The following GNAI2 variants were observed in gnomAD, a reference collection of about 807,000 sequenced individuals.
GNAI2 encodes G protein subunit alpha i2.
Under a neutral mutation model 36.8 loss-of-function variants are expected in GNAI2, and 4 were observed. The ratio of observed to expected loss-of-function variants is 0.11; its 90% CI spans 0.05 to 0.25. The LOEUF (loss-of-function observed/expected upper bound fraction) is 0.25. GNAI2 is among the 10% of genes least tolerant of loss of function. The pLI is 1.00. For synonymous variants in GNAI2, 194 were observed against 194.1 expected, an observed-to-expected ratio of 1.00 and a Z score of 0.01; for missense variants, 230 against 481.3, an observed-to-expected ratio of 0.48 and a Z score of 4.89.
chr3:50,245,221 C>T (rs1462160039), intron 1 of GNAI2, among the ~76,000 whole-genome samples: 2 of 152,194 alleles, frequency 1.3e-5, no homozygotes, highest in African/African-American at 2.4e-5. Context: ...TGGTCTCGAA[C>T]TCCTGACCTC....
chr3:50,251,712 G>T (rs1700561729), intron 1 of GNAI2: 1 of 1,340,494 alleles, frequency 7.5e-7, no homozygotes, highest in Non-Finnish European at 9.8e-7. Context: ...GCTCTGCCCA[G>T]GGCACCATAT....
intron 4 of GNAI2, among the ~76,000 whole-genome samples, chr3:50,254,181 A>G (rs781966757): frequency 5.9e-5 from 9 of 152,120 alleles, no homozygotes; most frequent in Non-Finnish European, 1.0e-4. Flanking sequence ...TCCCTGTGGT[A>G]TCTGTCATGT....
chr3:50,240,683 G>A (rs1442947168), intron 1 of GNAI2, among the ~76,000 whole-genome samples: 2 of 152,156 alleles, frequency 1.3e-5, no homozygotes, highest in Non-Finnish European at 2.9e-5. Context: ...TTGGGAGGTT[G>A]AGGCAGGCAG....
chr3:50,246,666 C>T (rs986711167), intron 1 of GNAI2, among the ~76,000 whole-genome samples: 2 of 152,254 alleles, frequency 1.3e-5, no homozygotes, highest in Admixed American at 6.5e-5. Flanking sequence ...TCTCTGCCCT[C>T]GGGCCTGCCA....
upstream of GNAI2, among the ~76,000 whole-genome samples, chr3:50,234,436 C>G (rs145401213): frequency 6.6e-6 from 1 of 151,762 alleles, no homozygotes; most frequent in East Asian, 1.9e-4. Flanking sequence ...ACTGCAACCT[C>G]CGCCTCCTGG....
In GNAI2 at chr3:50,256,187, C is replaced by A. The variant is rs782723326; in HGVS notation, c.465-5C>A. ...CCCACTGACCCTCCCACCCCCCATC[C>A]CCAGCTACCTGAACGACCTGGAGCG... On this transcript the variant is annotated splice_region_variant and splice_polypyrimidine_tract_variant and intron_variant, in intron 4 of 8. Coordinates refer to ENST00000313601, the MANE Select transcript of GNAI2 (RefSeq NM_002070.4). 5.7e-6 allele frequency: 9 copies of A among 1,565,276 alleles called. No individual in the cohort carries two copies. The South Asian group carries it at 7.8e-5, about 14-fold the overall frequency.
At chr3:50,232,939 G>A (rs1700095277), upstream of GNAI2, among the ~76,000 whole-genome samples, 2 of 151,910 alleles carry the variant, frequency 1.3e-5, no homozygotes, top group Non-Finnish European at 2.9e-5. Flanking sequence ...AGTGGGATGG[G>A]ATGTACCCAG....
chr3:50,233,979 T>A (rs1553700027), upstream of GNAI2, among the ~76,000 whole-genome samples: 1 of 145,278 alleles, frequency 6.9e-6, no homozygotes, highest in Non-Finnish European at 1.5e-5. Context: ...CACTGCAATC[T>A]CCAGTTCCCA....
At chr3:50,232,304 T>G (rs1553699856), upstream of GNAI2, among the ~76,000 whole-genome samples, 1 of 152,088 alleles carries the variant, frequency 6.6e-6, no homozygotes, top group African/African-American at 2.4e-5. Context: ...CGCTCCAGCT[T>G]GGGTGATAGA....
In GNAI2 at chr3:50,236,248, G is replaced by A. The variant is rs1421080305; in HGVS notation, c.-88G>A. 1 of 1,204,490 alleles carries A rather than the reference G, an allele frequency of 8.3e-7. No homozygotes were observed. Among genetic ancestry groups the A allele is most frequent in the Non-Finnish European group, 1.0e-6 (1 of 969,744 alleles). The allele number at this position is 1,204,490 out of a possible 1,614,324, so 74.6% of individuals were successfully genotyped here. The stretch of plus-strand genomic sequence containing the variant: ...CCCGAGTGCTTCCCGCAGAGGGCTG[G>A]TGGTGGGAGCGGAGTGGGTCGGGCG... On this transcript the variant is annotated 5_prime_UTR_variant, in exon 1 of 9. It adds an upstream start codon to the 5' untranslated region. Transcript: ENST00000313601. The surrounding 1 kb of genome is among the most constrained non-coding windows in gnomAD (Gnocchi z 4.0).
At chr3:50,244,025 C>CTTTTT (rs782681282) in intron 1 of GNAI2, among the ~76,000 whole-genome samples, 3 of 120,414 alleles carry the variant, frequency 2.5e-5, no homozygotes, top group Non-Finnish European at 3.3e-5. Flanking sequence ...CCCTCCACTC[C>CTTTTT]TTTTTTTTTT....
At chr3:50,240,266 AG>A (rs1700270102) in intron 1 of GNAI2, among the ~76,000 whole-genome samples, 1 of 151,988 alleles carries the variant, frequency 6.6e-6, no homozygotes, top group South Asian at 2.1e-4. Flanking sequence ...TTCCTGGAGG[AG>A]GGGGTCTGCT....
At chr3:50,244,997 A>AT (rs11431707) in intron 1 of GNAI2, among the ~76,000 whole-genome samples, 11,860 of 139,746 alleles carry the variant, frequency 0.085, 1,731 homozygotes, top group East Asian at 0.63. Flanking sequence ...TGATGCTGTG[A>AT]TTTTTTTTTT....
upstream of GNAI2, among the ~76,000 whole-genome samples, chr3:50,232,207 G>C (rs1223946874): frequency 6.6e-6 from 1 of 152,158 alleles, no homozygotes; most frequent in Non-Finnish European, 1.5e-5. Flanking sequence ...GCAGGCGCCT[G>C]TAATCCCAGC....
intron 1 of GNAI2, among the ~76,000 whole-genome samples, chr3:50,247,365 C>T (rs1700449708): frequency 6.6e-6 from 1 of 152,180 alleles, no homozygotes; most frequent in South Asian, 2.1e-4. Context: ...TGGCTGGCTG[C>T]TTGAGGCTTG....
Position 50,236,228 on chromosome 3 carries a change from G to C in GNAI2, c.-108G>C. ...CAGTCGCTCGGAACTGCCGACCCGA[G>C]TGCTTCCCGCAGAGGGCTGGTGGTG... On this transcript the variant is annotated 5_prime_UTR_variant, in exon 1 of 9. Coordinates refer to ENST00000313601, the MANE Select transcript of GNAI2 (RefSeq NM_002070.4). The surrounding 1 kb of genome is among the most constrained non-coding windows in gnomAD (Gnocchi z 4.0). 1.7e-6 allele frequency: 2 copies of C among 1,191,514 alleles called. No individual in the cohort carries two copies. Among genetic ancestry groups the C allele is most frequent in the Non-Finnish European group, 2.1e-6 (2 of 962,276 alleles). The allele number at this position is 1,191,514 out of a possible 1,614,324, so 73.8% of individuals were successfully genotyped here.
chr3:50,257,536 A>G lies in GNAI2; in HGVS notation c.914A>G (p.Gln305Arg). ...NKYDEAASYI[Q>R]SKFEDLNKRK... The stretch of plus-strand genomic sequence containing the variant: ...TATGATGAGGCAGCCAGCTACATCC[A>G]GAGTAAGTTTGAGGACCTGAATAAG... The change falls in exon 8 of 9, where the codon CAG becomes CGG. Residue 305 changes from glutamine to arginine, a missense_variant. By Grantham distance (43) the Gln-to-Arg change is conservative (BLOSUM62 1). Coordinates refer to ENST00000313601, the MANE Select transcript of GNAI2 (RefSeq NM_002070.4). The G allele has an allele frequency of 6.3e-7, 1 of 1,584,748 alleles. No individual in the cohort carries two copies. Among genetic ancestry groups the G allele is most frequent in the East Asian group, 2.3e-5 (1 of 44,242 alleles).
At chr3:50,230,503 C>T (rs1257190228), upstream of GNAI2, 1 of 152,378 alleles carries the variant, frequency 6.6e-6, no homozygotes, top group Non-Finnish European at 1.5e-5. Flanking sequence ...CACCCCGAAA[C>T]TGCCTTTGGG....
chr3:50,231,133 T>G, intron 1 of GNAI2: 1 of 166,596 alleles, frequency 6.0e-6, no homozygotes, highest in Non-Finnish European at 1.2e-5. Context: ...TTCTTCTCCC[T>G]CTAGCACTCC....
Sources: gnomAD v4.1 joint callset for allele counts (sites outside exome capture counted in the v4.1 genomes callset) on GRCh38, gnomAD v4.1.1 for gene constraint, Gnocchi (gnomAD v3.1) non-coding constraint, MANE v1.5 for transcripts, NCBI Gene and HGNC (gene_info 2026-07-23, HGNC 2026-07-21) for gene names.